FBXL7: variants seen among roughly 807,000 people sequenced by gnomAD.
FBXL7 encodes F-box/LRR-repeat protein 7.
Under a neutral mutation model 38.3 loss-of-function variants are expected in FBXL7, and 12 were observed. The observed-to-expected ratio is 0.31, with a 90% CI of 0.20 to 0.51. FBXL7 has a LOEUF of 0.51. Among genes scored for constraint, FBXL7 ranks in the 20% least tolerant of loss-of-function variants. The probability of loss-of-function intolerance (pLI) is 0.98; values close to 1 mark genes in which losing one functional copy is unlikely to be tolerated. For synonymous variants in FBXL7, 297 were observed against 300.9 expected (o/e 0.99, Z 0.13); for missense variants, 567 against 676.4 (o/e 0.84, Z 1.79).
chr5:15,512,054 A>G (rs1214225783), intron 1 of FBXL7, among the ~76,000 whole-genome samples: 1 of 152,168 alleles, frequency 6.6e-6, no homozygotes, highest in African/African-American at 2.4e-5. Flanking sequence ...TTATTTTACT[A>G]TTGGGAAGAT....
intron 2 of FBXL7, among the ~76,000 whole-genome samples, chr5:15,742,017 G>A (rs752733367): frequency 3.3e-5 from 5 of 152,100 alleles, no homozygotes; most frequent in African/African-American, 4.8e-5. Context: ...ATTCACTGTC[G>A]GGGAAGTAGA....
At chr5:15,503,247 C>T (rs1451184716) in intron 1 of FBXL7, among the ~76,000 whole-genome samples, 2 of 152,082 alleles carry the variant, frequency 1.3e-5, no homozygotes, top group African/African-American at 4.8e-5. Flanking sequence ...ATGGTGAAAC[C>T]CTGTCTCTAC....
chr5:15,854,131 C>G (rs1198062238), intron 2 of FBXL7, among the ~76,000 whole-genome samples: 1 of 152,064 alleles, frequency 6.6e-6, no homozygotes, highest in Non-Finnish European at 1.5e-5. Flanking sequence ...GAATACTCAG[C>G]AGAAATAAGA....
At chr5:15,897,833 G>A (rs1741141069) in intron 2 of FBXL7, among the ~76,000 whole-genome samples, 2 of 152,078 alleles carry the variant, frequency 1.3e-5, no homozygotes, top group African/African-American at 4.8e-5. Flanking sequence ...ATCAGTGGAT[G>A]GATAGCAGCT....
At chr5:15,577,638 C>T (rs1185943243) in intron 1 of FBXL7, among the ~76,000 whole-genome samples, 1 of 133,644 alleles carries the variant, frequency 7.5e-6, no homozygotes, top group African/African-American at 2.8e-5. Flanking sequence ...GTGTGTGTGT[C>T]TATTTATAGA....
chr5:15,869,755 A>G (rs1739872724), intron 2 of FBXL7, among the ~76,000 whole-genome samples: 1 of 152,136 alleles, frequency 6.6e-6, no homozygotes, highest in African/African-American at 2.4e-5. Flanking sequence ...GTGTTTTGGG[A>G]ATACATATTG....
At chr5:15,534,766 A>C (rs560689767) in intron 1 of FBXL7, among the ~76,000 whole-genome samples, 1 of 152,328 alleles carries the variant, frequency 6.6e-6, no homozygotes, top group African/African-American at 2.4e-5. Context: ...ACCATTTTGC[A>C]GTTCCACCAG....
intron 2 of FBXL7, among the ~76,000 whole-genome samples, chr5:15,773,568 G>C (rs992933459): frequency 1.3e-5 from 2 of 152,078 alleles, no homozygotes; most frequent in Non-Finnish European, 2.9e-5. Context: ...AGGATCGCTT[G>C]AGCCCAGAAG....
intron 2 of FBXL7, among the ~76,000 whole-genome samples, chr5:15,917,520 A>T (rs1349099206): frequency 1.3e-5 from 2 of 152,082 alleles, no homozygotes; most frequent in Non-Finnish European, 2.9e-5. Flanking sequence ...AAGCAGGAGG[A>T]TCCCTTGAGT....
At chr5:15,853,364 T>A (rs1739158002) in intron 2 of FBXL7, among the ~76,000 whole-genome samples, 1 of 152,082 alleles carries the variant, frequency 6.6e-6, no homozygotes, top group Admixed American at 6.5e-5. Flanking sequence ...GGGGAATTTA[T>A]GGGATGAGAA....
intron 2 of FBXL7, among the ~76,000 whole-genome samples, chr5:15,714,314 A>G (rs1743969754): frequency 6.6e-6 from 1 of 152,104 alleles, no homozygotes; most frequent in Non-Finnish European, 1.5e-5. Context: ...TGGCCATGTA[A>G]GATGTGCCTG....
At chr5:15,695,647 C>T (rs1743311162) in intron 2 of FBXL7, among the ~76,000 whole-genome samples, 1 of 152,148 alleles carries the variant, frequency 6.6e-6, no homozygotes, top group South Asian at 2.1e-4. Flanking sequence ...GTGTCAGTCA[C>T]CATGCAGAGG....
intron 2 of FBXL7, among the ~76,000 whole-genome samples, chr5:15,696,301 TA>T (rs1743334365): frequency 6.6e-6 from 1 of 152,214 alleles, no homozygotes; most frequent in South Asian, 2.1e-4. Flanking sequence ...TGTCGTGCTT[TA>T]AAGTTGTCTT....
chr5:15,917,479 G>A (rs1246273158), intron 2 of FBXL7, among the ~76,000 whole-genome samples: 1 of 152,086 alleles, frequency 6.6e-6, no homozygotes, highest in Non-Finnish European at 1.5e-5. Context: ...ATGGCAGCAT[G>A]TGCCTGTAGT....
At chr5:15,837,904 T>C (rs1178746186) in intron 2 of FBXL7, among the ~76,000 whole-genome samples, 1 of 152,076 alleles carries the variant, frequency 6.6e-6, no homozygotes, top group Non-Finnish European at 1.5e-5. Flanking sequence ...GAGAGAGTTT[T>C]GAAACTTAAT....
intron 2 of FBXL7, among the ~76,000 whole-genome samples, chr5:15,701,929 A>G (rs185794815): frequency 1.9e-3 from 289 of 152,306 alleles, no homozygotes; most frequent in Non-Finnish European, 3.5e-3. Flanking sequence ...TAAGGAAGAC[A>G]GCTAAGTGAA....
In FBXL7 at chr5:15,624,876, T is replaced by G. The variant is rs1364065192; in HGVS notation, c.127+8804T>G. Reference sequence around the variant, plus strand: ...GCTGTGAGGTACATGTTTGTTTTTTTTTTTTTTTCCTAGATGAGAAAAGCA... The same window carrying G: ...GCTGTGAGGTACATGTTTGTTTTTTGTTTTTTTTCCTAGATGAGAAAAGCA... On this transcript the variant is annotated intron_variant, in intron 2 of 3. Coordinates refer to ENST00000504595, the MANE Select transcript of FBXL7 (RefSeq NM_012304.5). 1.2e-4 allele frequency among the ~76,000 whole-genome samples: 18 copies of G among 152,120 alleles called. No homozygotes were observed. In the East Asian group the frequency reaches 3.1e-3, roughly 26 times the overall value.
At chr5:15,740,941 T>C (rs1182180533) in intron 2 of FBXL7, among the ~76,000 whole-genome samples, 3 of 152,220 alleles carry the variant, frequency 2.0e-5, no homozygotes, top group African/African-American at 7.2e-5. Context: ...TTATATGACA[T>C]AAAGAATGTA....
intron 2 of FBXL7, among the ~76,000 whole-genome samples, chr5:15,785,781 A>G (rs1328649664): frequency 2.0e-5 from 3 of 152,320 alleles, no homozygotes; most frequent in Non-Finnish European, 4.4e-5. Flanking sequence ...CAGTTAGGAC[A>G]TTTTCCATCA....
Sources: allele counts gnomAD v4.1 joint callset (sites outside exome capture counted in the v4.1 genomes callset), GRCh38; gene constraint gnomAD v4.1.1; transcripts MANE v1.5; gene names NCBI Gene and HGNC (gene_info 2026-07-23, HGNC 2026-07-21).